Variants in C1orf198 observed in about 807,000 individuals in gnomAD.
The protein encoded by C1orf198 is chromosome 1 open reading frame 198, also known as uncharacterized protein C1orf198.
A neutral mutation model predicts 31.4 loss-of-function variants in C1orf198; 17 were observed. The ratio of observed to expected loss-of-function variants is 0.54; its 90% CI spans 0.37 to 0.81. C1orf198 has a LOEUF of 0.81. Ranked by LOEUF, C1orf198 falls within the 40% of genes least tolerant of loss-of-function variation. C1orf198 has a pLI of 0.00. For missense variants in C1orf198, 401 were observed against 450.3 expected (o/e 0.89, Z 0.99); for synonymous variants, 175 against 193.8 (o/e 0.90, Z 0.81).
chr1:230,854,433 G>T (rs1444873640), intron 2 of C1orf198, among the ~76,000 whole-genome samples: 1 of 152,142 alleles, frequency 6.6e-6, no homozygotes, highest in African/African-American at 2.4e-5. Flanking sequence ...TCCAGTGTTG[G>T]ATTTAGAAGC....
rs35115679 is a variant in C1orf198, at chr1:230,843,364, T to C, written c.917A>G (p.Lys306Arg). 2,929 of 1,554,482 alleles carry C rather than the reference T, an allele frequency of 1.9e-3. 38 individuals carry two copies. In the African/African-American group the frequency reaches 0.032, roughly 17 times the overall value. ...DGEDTLFSEP[K>R]FAQVSSSNVV... ...GTAAAGGCCACTCACCTGTGCAAACTTGGGTTCCGAGAACAGGGTGTCTTC... is the reference window on the plus strand; with the variant it reads ...GTAAAGGCCACTCACCTGTGCAAACCTGGGTTCCGAGAACAGGGTGTCTTC... The change falls in exon 3 of 4, where the codon AAG (lysine) becomes AGG (arginine). Residue 306 changes from lysine (K) to arginine (R), a missense_variant. Coordinates refer to ENST00000366663, the MANE Select transcript of C1orf198 (RefSeq NM_032800.3). This position sits in a 1 kb window ranked among gnomAD's most constrained non-coding sequence, Gnocchi z 4.9.
At chr1:230,850,296 T>C (rs1295431159) in intron 2 of C1orf198, among the ~76,000 whole-genome samples, 2 of 152,254 alleles carry the variant, frequency 1.3e-5, no homozygotes, top group Non-Finnish European at 2.9e-5. Flanking sequence ...CTTCACTTTA[T>C]GCCATAGTTT....
At chr1:230,851,707 A>G (rs1445795812) in intron 2 of C1orf198, among the ~76,000 whole-genome samples, 1 of 152,198 alleles carries the variant, frequency 6.6e-6, no homozygotes, top group Non-Finnish European at 1.5e-5. Context: ...TCTGGGTAAC[A>G]GAGGCACCAC....
intron 2 of C1orf198, among the ~76,000 whole-genome samples, chr1:230,844,479 C>T (rs1314499307): frequency 6.6e-6 from 1 of 152,254 alleles, no homozygotes; most frequent in Admixed American, 6.5e-5. Context: ...ATTAAACCTC[C>T]TCTCTTTATA....
chr1:230,847,831 G>A (rs1669636179), intron 2 of C1orf198, among the ~76,000 whole-genome samples: 1 of 152,182 alleles, frequency 6.6e-6, no homozygotes, highest in Non-Finnish European at 1.5e-5. Flanking sequence ...AAATTGTAGT[G>A]TAAGGAAGGC....
rs563747275 is a variant in C1orf198, at chr1:230,857,196, G to A, written c.334-1478C>T. ...AGCTGAAGGCCTATTCCCAAGAAGC[G>A]GGGACAGGGAAGGAAGTGTGTGATG... On this transcript the variant is annotated intron_variant, in intron 1 of 3. Coordinates refer to ENST00000366663, the MANE Select transcript of C1orf198 (RefSeq NM_032800.3). This position sits in a 1 kb window ranked among gnomAD's most constrained non-coding sequence, Gnocchi z 4.2. Among the ~76,000 whole-genome samples the A allele has an allele frequency of 3.7e-4, 57 of 152,226 alleles. No homozygotes were observed. In the East Asian group the frequency reaches 5.0e-3, roughly 13 times the overall value.
intron 1 of C1orf198, among the ~76,000 whole-genome samples, chr1:230,864,312 A>G (rs1043070589): frequency 2.0e-5 from 3 of 152,212 alleles, no homozygotes; most frequent in Non-Finnish European, 4.4e-5. Flanking sequence ...AATGACACAG[A>G]GCGGGTGTAG....
chr1:230,841,671 A>G (rs1669446389), intron 3 of C1orf198, among the ~76,000 whole-genome samples: 1 of 152,230 alleles, frequency 6.6e-6, no homozygotes, highest in Admixed American at 6.5e-5. Context: ...ACGCGAACCC[A>G]CATTGATGGG....
At chr1:230,867,042 G>A (rs1231044146) in intron 1 of C1orf198, among the ~76,000 whole-genome samples, 1 of 152,184 alleles carries the variant, frequency 6.6e-6, no homozygotes, top group Non-Finnish European at 1.5e-5. Context: ...ACCCAAGCCT[G>A]AAAATCTGAT....
chr1:230,842,932 T>G (rs1669483011), intron 3 of C1orf198, among the ~76,000 whole-genome samples: 2 of 152,146 alleles, frequency 1.3e-5, no homozygotes. Context: ...CCTGCCTGCT[T>G]TGCCAACAGG....
chr1:230,862,950 C>T (rs1933628), intron 1 of C1orf198, among the ~76,000 whole-genome samples: 45,531 of 152,092 alleles, frequency 0.3, 7,387 homozygotes, highest in East Asian at 0.58. Context: ...AACTTTGTAC[C>T]TTCTGCTCAA....
At chr1:230,858,762 A>G (rs1030291880) in intron 1 of C1orf198, among the ~76,000 whole-genome samples, 2 of 152,212 alleles carry the variant, frequency 1.3e-5, no homozygotes, top group African/African-American at 4.8e-5. Context: ...TTAATTATAT[A>G]CCTTAAGTCC....
intron 1 of C1orf198, among the ~76,000 whole-genome samples, chr1:230,859,236 A>G (rs1669949362): frequency 6.6e-6 from 1 of 152,166 alleles, no homozygotes; most frequent in African/African-American, 2.4e-5. Context: ...ACTCACACGC[A>G]TACAATGCTG....
chr1:230,852,154 C>T (rs1486578267), intron 2 of C1orf198, among the ~76,000 whole-genome samples: 1 of 151,998 alleles, frequency 6.6e-6, no homozygotes, highest in Non-Finnish European at 1.5e-5. Context: ...TTGGGTTAAA[C>T]GTATGGAGAA....
At chr1:230,863,846 C>T (rs1393270867) in intron 1 of C1orf198, among the ~76,000 whole-genome samples, 2 of 152,276 alleles carry the variant, frequency 1.3e-5, no homozygotes, top group African/African-American at 4.8e-5. Flanking sequence ...CTTTCTAAAA[C>T]ATCCATGGAT....
chr1:230,848,180 A>G (rs989709190), intron 2 of C1orf198, among the ~76,000 whole-genome samples: 46 of 152,312 alleles, frequency 3.0e-4, no homozygotes, highest in South Asian at 1.0e-3. Flanking sequence ...GCTAGAGAAG[A>G]GGGCTTTGCT....
In C1orf198 at chr1:230,843,189, G is replaced by A. The variant is rs73108549; in HGVS notation, c.927+165C>T. ...AACTTGTCTTGTTGCATATTTGTTGGTGGCTCAGCACCCTGAGCCTAGGCA... is the reference window on the plus strand; with the variant it reads ...AACTTGTCTTGTTGCATATTTGTTGATGGCTCAGCACCCTGAGCCTAGGCA... On this transcript the variant is annotated intron_variant, in intron 3 of 3. Coordinates refer to ENST00000366663, the MANE Select transcript of C1orf198 (RefSeq NM_032800.3). The surrounding 1 kb of genome is among the most constrained non-coding windows in gnomAD (Gnocchi z 4.9). Among the ~76,000 whole-genome samples, 11,432 of 152,194 alleles carry A rather than the reference G, an allele frequency of 0.075. 1,378 individuals are homozygous for A. Among genetic ancestry groups the A allele is most frequent in the African/African-American group, 0.26 (10,585 of 41,466 alleles).
Position 230,857,043 on chromosome 1 carries a change from C to T in C1orf198, c.334-1325G>A, listed in dbSNP as rs1422879740. Among the ~76,000 whole-genome samples the T allele has an allele frequency of 6.6e-6, 1 of 152,208 alleles. No homozygotes were observed. The highest frequency in any genetic ancestry group is 1.5e-5 in the Non-Finnish European group (1 of 68,044). ...ACGCAGGGGGAGTGCCTCACCAACA[C>T]ATAAGTGTACACATTCAGCCTTCCA... On this transcript the variant is annotated intron_variant, in intron 1 of 3. Coordinates refer to ENST00000366663, the MANE Select transcript of C1orf198 (RefSeq NM_032800.3). The surrounding 1 kb of genome is among the most constrained non-coding windows in gnomAD (Gnocchi z 4.2).
chr1:230,861,506 C>T (rs1365277147), intron 1 of C1orf198, among the ~76,000 whole-genome samples: 1 of 152,114 alleles, frequency 6.6e-6, no homozygotes, highest in African/African-American at 2.4e-5. Context: ...GTGGAAATAC[C>T]ATATAGCGCG....
Sources: allele counts gnomAD v4.1 joint callset (sites outside exome capture counted in the v4.1 genomes callset), GRCh38; gene constraint gnomAD v4.1.1; non-coding constraint Gnocchi (gnomAD v3.1); transcripts MANE v1.5; gene names NCBI Gene and HGNC (gene_info 2026-07-23, HGNC 2026-07-21).